The following CACNA1G variants were observed in gnomAD, a reference collection of about 807,000 sequenced individuals.
CACNA1G encodes calcium voltage-gated channel subunit alpha1 G.
CACNA1G carries 67 observed loss-of-function variants against 219.4 expected under a neutral mutation model. The observed-to-expected ratio is 0.31, with a 90% confidence interval of 0.25 to 0.37. The LOEUF (loss-of-function observed/expected upper bound fraction) is 0.37. Ranked by LOEUF, CACNA1G falls within the 10% of genes least tolerant of loss-of-function variation. The probability of loss-of-function intolerance (pLI) is 1.00; values close to 1 mark genes in which losing one functional copy is unlikely to be tolerated. For missense variants in CACNA1G, 2,380 were observed against 3,231.4 expected (o/e 0.74, Z 6.39); for synonymous variants, 1,296 against 1,345.3 (o/e 0.96, Z 0.80).
chr17:50,571,961 A>G lies in CACNA1G; in HGVS notation c.670A>G (p.Ile224Val). 8 of 1,613,932 alleles carry G rather than the reference A, an allele frequency of 5.0e-6. No homozygotes were observed. Among genetic ancestry groups the G allele is most frequent in the Non-Finnish European group, 6.8e-6 (8 of 1,179,846 alleles). ...VLLLCFFVFF[I>V]FGIVGVQLWA... ...GCTGCTCTGCTTCTTCGTCTTCTTC[A>G]TCTTCGGCATCGTCGGCGTCCAGCT... The change falls in exon 5 of 38, where the codon ATC becomes GTC. Residue 224 changes from isoleucine (I) to valine (V), a missense_variant. Coordinates refer to ENST00000359106, the MANE Select transcript of CACNA1G (RefSeq NM_018896.5). The surrounding 1 kb of genome is among the most constrained non-coding windows in gnomAD (Gnocchi z 4.3).
At position 50,626,012 on chromosome 17, in the gene CACNA1G, T is replaced by C; in HGVS notation, c.6400-5T>C. ...CTGGGCTGAGCCCTCCCCCACCCCA[T>C]ATAGGCAGCAATAAGGACTGACTCC... On this transcript the variant is annotated splice_region_variant and splice_polypyrimidine_tract_variant and intron_variant, in intron 37 of 37. Coordinates refer to ENST00000359106, the MANE Select transcript of CACNA1G (RefSeq NM_018896.5). This position sits in a 1 kb window ranked among gnomAD's most constrained non-coding sequence, Gnocchi z 4.3. The C allele has an allele frequency of 4.4e-6, 7 of 1,587,812 alleles. No individual in the cohort carries two copies. The highest frequency in any genetic ancestry group is 2.3e-5 in the East Asian group (1 of 44,402).
intron 24 of CACNA1G, chr17:50,607,529 A>ACG: frequency 2.6e-6 from 1 of 391,888 alleles, no homozygotes; most frequent in South Asian, 3.4e-5. Flanking sequence ...TTTACACAGA[A>ACG]ATTCAGATTT....
chr17:50,619,742 G>A lies in CACNA1G; in HGVS notation c.5841G>A (p.Leu1947=), dbSNP rs2051338752. The A allele has an allele frequency of 2.5e-6, 4 of 1,610,034 alleles. No homozygotes were observed. The highest frequency in any genetic ancestry group is 1.3e-5 in the African/African-American group (1 of 75,020). The change falls in exon 34 of 38, where the codon CTG becomes CTA. Residue 1947 remains leucine (L), a synonymous_variant. Transcript: ENST00000359106. ...TCCAGGGCTCCCTGGAGTGGGAGCT[G>A]AAGCTGATGGACGAGCTGGCAGGCC... is the stretch of plus-strand genomic sequence containing the variant. ...LLIQGSLEWE[L]KLMDELAGPG...
In CACNA1G at chr17:50,605,819, C is replaced by T. The variant is rs1309663338; in HGVS notation, c.4297-79C>T. ...CTCACTCAAAATGTGCCCAGGCTGG[C>T]GTGGGGGTGGGGCTCAGGAGTCCTG... On this transcript the variant is annotated intron_variant, in intron 22 of 37. Coordinates refer to ENST00000359106, the MANE Select transcript of CACNA1G (RefSeq NM_018896.5). The T allele has an allele frequency of 4.6e-5, 70 of 1,520,512 alleles. No individual in the cohort carries two copies. The South Asian group carries it at 7.0e-4, about 15-fold the overall frequency. The allele number at this position is 1,520,512 out of a possible 1,614,324, so 94.2% of individuals were successfully genotyped here. A position where few individuals can be genotyped will look rare whatever the true frequency, so the allele number is the denominator to read the frequency against.
Position 50,561,176 on chromosome 17 carries a change from A to C in CACNA1G, c.-284A>C. On this transcript the variant is annotated 5_prime_UTR_variant, in exon 1 of 38. Transcript: ENST00000359106. ...CTGGGCGCGAAGCGAAGAAGCCGGA[A>C]CAAAGTGAGGGGGAGCCGGCCGGCT... The C allele has an allele frequency of 2.4e-5, 13 of 543,248 alleles. No homozygotes were observed. The highest frequency in any genetic ancestry group is 5.3e-5 in the Admixed American group (2 of 37,534). The allele number at this position is 543,248 out of a possible 1,614,324, so 33.7% of individuals were successfully genotyped here. A position where few individuals can be genotyped will look rare whatever the true frequency, so the allele number is the denominator to read the frequency against.
At chr17:50,625,929 TG>T (rs1486497874) in intron 37 of CACNA1G, 87 bp from the exon 38 acceptor site, 2 of 1,419,626 alleles carry the variant, frequency 1.4e-6, no homozygotes, top group East Asian at 2.3e-5. Context: ...CTGGTGGTGG[TG>T]GGCAGGGGGC....
chr17:50,611,344 G>A (rs1015691358), intron 26 of CACNA1G, among the ~76,000 whole-genome samples: 24 of 151,854 alleles, frequency 1.6e-4, no homozygotes, highest in African/African-American at 5.6e-4. Flanking sequence ...GGGAACCACC[G>A]GCTCCACTTT....
At chr17:50,624,324 T>TGCCCCCCCCCCCCCCCCCC in intron 36 of CACNA1G, 36 bp from the exon 37 acceptor site, 1 of 1,177,660 alleles carries the variant, frequency 8.5e-7, no homozygotes, top group Non-Finnish European at 1.2e-6. Flanking sequence ...CTCCATTCTC[T>TGCCCCCCCCCCCCCCCCCC]CCCCCCACCC....
chr17:50,618,177 C>G lies in CACNA1G; in HGVS notation c.5306-45C>G, dbSNP rs898680028. ...GGAGCCAGGGCTGGAGACCAGGGGG[C>G]TCCTGGACTAACATGGGCCTCTCCC... On this transcript the variant is annotated intron_variant, in intron 31 of 37. Transcript: ENST00000359106. This position sits in a 1 kb window ranked among gnomAD's most constrained non-coding sequence, Gnocchi z 5.3. 33 of 1,612,706 alleles carry G rather than the reference C, an allele frequency of 2.0e-5. No individual in the cohort carries two copies. The highest frequency in any genetic ancestry group is 2.7e-5 in the Non-Finnish European group (32 of 1,179,084).
rs2041100515 is a variant in CACNA1G at position 50,578,037 on chromosome 17, C to T, written c.1925-151C>T. 1.2e-6 allele frequency: 1 copy of T among 840,966 alleles called. No individual in the cohort carries two copies. Among genetic ancestry groups the T allele is most frequent in the Non-Finnish European group, 1.7e-6 (1 of 576,694 alleles). 52.1% of individuals were successfully genotyped at this position (840,966 alleles called of 1,614,324 possible). On this transcript the variant is annotated intron_variant, in intron 8 of 37. Coordinates refer to ENST00000359106, the MANE Select transcript of CACNA1G (RefSeq NM_018896.5). The surrounding 1 kb of genome is among the most constrained non-coding windows in gnomAD (Gnocchi z 4.5). ...TGTGGGTCAAGACTGCCCACCTTGC[C>T]TGACATTCAGCACCCCTGGCCCACT...
chr17:50,583,370 G>A (rs955911839), intron 9 of CACNA1G, among the ~76,000 whole-genome samples: 3 of 152,154 alleles, frequency 2.0e-5, no homozygotes, highest in Non-Finnish European at 4.4e-5. Context: ...CTGGCTCCAG[G>A]CTCTCCCAGT....
At chr17:50,594,894 G>C in intron 13 of CACNA1G, 99 bp from the exon 14 acceptor site, 2 of 832,000 alleles carry the variant, frequency 2.4e-6, no homozygotes, top group South Asian at 3.1e-5. Flanking sequence ...TGGGGTTTGC[G>C]CCCCTCCTTT....
At position 50,607,801 on chromosome 17, in the gene CACNA1G, C is replaced by T. The variant is rs60642142; in HGVS notation, c.4513-26C>T. 16,353 of 1,607,238 alleles carry T rather than the reference C, an allele frequency of 0.01. 110 individuals carry two copies. The highest frequency in any genetic ancestry group is 0.018 in the Middle Eastern group (90 of 4,926). On this transcript the variant is annotated intron_variant, in intron 24 of 37. Coordinates refer to ENST00000359106, the MANE Select transcript of CACNA1G (RefSeq NM_018896.5). ...CAGCTTGCCCTCGGGCTGATGCCTC[C>T]GCCTGTCCTTCCTGCTCCCCGCCAG...
chr17:50,620,742 C>T (rs542427107), intron 34 of CACNA1G, among the ~76,000 whole-genome samples: 2 of 152,356 alleles, frequency 1.3e-5, no homozygotes, highest in East Asian at 3.9e-4. Flanking sequence ...CAGTGATCCT[C>T]ATGTGGGAAG....
At chr17:50,580,177 C>T (rs1402637962) in intron 9 of CACNA1G, among the ~76,000 whole-genome samples, 3 of 152,132 alleles carry the variant, frequency 2.0e-5, no homozygotes, top group Admixed American at 6.5e-5. Context: ...CATGTTGTGT[C>T]TGGGCTACGT....
At chr17:50,604,404 A>G in intron 22 of CACNA1G, 123 bp downstream of exon 22, 2 of 1,266,860 alleles carry the variant, frequency 1.6e-6, no homozygotes, top group Non-Finnish European at 2.2e-6. Context: ...ATAAGCAGGG[A>G]CGCTTCCCTC....
chr17:50,593,011 C>T (rs576637000), intron 13 of CACNA1G, among the ~76,000 whole-genome samples: 4 of 152,274 alleles, frequency 2.6e-5, no homozygotes, highest in Admixed American at 6.5e-5. Flanking sequence ...TGGGGTGCAG[C>T]GTATCTGTCC....
At chr17:50,602,679 G>T (rs567494842) in intron 19 of CACNA1G, 141 bp from the exon 20 acceptor site, 9 of 694,674 alleles carry the variant, frequency 1.3e-5, no homozygotes, top group African/African-American at 1.2e-4. Flanking sequence ...TGAGAGGGGC[G>T]TGATCTACAT....
chr17:50,607,310 C>G (rs996407946), intron 24 of CACNA1G: 1 of 397,508 alleles, frequency 2.5e-6, no homozygotes, highest in African/African-American at 2.1e-5. Flanking sequence ...TGGAGACCAG[C>G]CTGGGCATCA....
Sources: gnomAD v4.1 joint callset for allele counts (sites outside exome capture counted in the v4.1 genomes callset) on GRCh38, gnomAD v4.1.1 for gene constraint, Gnocchi (gnomAD v3.1) non-coding constraint, MANE v1.5 for transcripts, NCBI Gene and HGNC (gene_info 2026-07-23, HGNC 2026-07-21) for gene names.